HEATR5A: variants seen among roughly 807,000 people sequenced by gnomAD.
HEATR5A encodes HEAT repeat-containing protein 5A.
HEATR5A carries 178 observed loss-of-function variants against 218.8 expected under a neutral mutation model. That is an observed-to-expected ratio of 0.81 (90% CI 0.72 to 0.92). The LOEUF (loss-of-function observed/expected upper bound fraction) is 0.92, where lower values mean the gene tolerates loss of function less well. HEATR5A is among the 40% of genes least tolerant of loss of function. The probability of loss-of-function intolerance (pLI) is 0.00; values close to 1 mark genes in which losing one functional copy is unlikely to be tolerated. For missense variants in HEATR5A, 2,420 were observed against 2,418.9 expected (o/e 1.00, Z -0.01); for synonymous variants, 864 against 871.6 (o/e 0.99, Z 0.15).
intron 13 of HEATR5A, among the ~76,000 whole-genome samples, chr14:31,368,344 A>C (rs1199606556): frequency 6.6e-6 from 1 of 152,156 alleles, no homozygotes. Context: ...GTTAGAAATA[A>C]GTGCCCGTTT....
chr14:31,335,011 C>T (rs1204567696), intron 22 of HEATR5A, among the ~76,000 whole-genome samples: 7 of 151,424 alleles, frequency 4.6e-5, no homozygotes, highest in African/African-American at 1.7e-4. Context: ...TTAGCAACCA[C>T]CACCCCTGAT....
In HEATR5A at chr14:31,403,040, C is replaced by T; in HGVS notation, c.-65G>A. On this transcript the variant is annotated 5_prime_UTR_variant, in exon 2 of 36. Coordinates refer to ENST00000543095, the MANE Select transcript of HEATR5A (RefSeq NM_015473.4). ...GTTAAACTTTGGTCAATATACCTAACAATAAAAATCTGCAATACAGGAAAA... is the reference window on the plus strand; with the variant it reads ...GTTAAACTTTGGTCAATATACCTAATAATAAAAATCTGCAATACAGGAAAA... The T allele has an allele frequency of 7.2e-7, 1 of 1,392,768 alleles. No homozygotes were observed. Among genetic ancestry groups the T allele is most frequent in the Non-Finnish European group, 9.5e-7 (1 of 1,052,096 alleles). 86.3% of individuals were successfully genotyped at this position (1,392,768 alleles called of 1,614,324 possible).
intron 14 of HEATR5A, among the ~76,000 whole-genome samples, chr14:31,361,305 TTA>T (rs1901608521): frequency 6.6e-6 from 1 of 152,214 alleles, no homozygotes; most frequent in Non-Finnish European, 1.5e-5. Context: ...GTAGGAACTA[TTA>T]TGTTTCATAA....
intron 21 of HEATR5A, among the ~76,000 whole-genome samples, chr14:31,341,848 G>T (rs774095611): frequency 3.9e-5 from 6 of 152,118 alleles, no homozygotes; most frequent in Non-Finnish European, 5.9e-5. Flanking sequence ...AGAAAAAACG[G>T]CAGTATCACT....
chr14:31,393,305 T>G (rs2030524605), intron 6 of HEATR5A, among the ~76,000 whole-genome samples: 1 of 151,940 alleles, frequency 6.6e-6, no homozygotes, highest in Admixed American at 6.6e-5. Context: ...AGCTCAGGAG[T>G]TCGAGACCAG....
intron 3 of HEATR5A, 129 bp from the exon 4 acceptor site, chr14:31,398,910 T>C (rs1242247760): frequency 1.6e-6 from 1 of 608,872 alleles, no homozygotes; most frequent in South Asian, 2.2e-5. Context: ...CTTTGTATTA[T>C]CCTTTGAAAC....
At chr14:31,382,092 G>A (rs2030013305) in intron 10 of HEATR5A, among the ~76,000 whole-genome samples, 1 of 152,158 alleles carries the variant, frequency 6.6e-6, no homozygotes, top group South Asian at 2.1e-4. Context: ...AGTCAAATCA[G>A]AACAAGTGGA....
intron 13 of HEATR5A, among the ~76,000 whole-genome samples, chr14:31,370,241 A>G (rs1231881313): frequency 6.6e-6 from 1 of 152,202 alleles, no homozygotes; most frequent in Non-Finnish European, 1.5e-5. Context: ...AAAAAAAGGA[A>G]GAATTTCTTA....
At chr14:31,329,754 C>A (rs1342051396) in intron 22 of HEATR5A, among the ~76,000 whole-genome samples, 1 of 152,212 alleles carries the variant, frequency 6.6e-6, no homozygotes, top group Non-Finnish European at 1.5e-5. Context: ...GCTCTGTCAT[C>A]CAGTCTAGAG....
At chr14:31,400,555 A>G (rs1051462020) in intron 2 of HEATR5A, 43 bp from the exon 3 acceptor site, 1 of 1,232,506 alleles carries the variant, frequency 8.1e-7, no homozygotes, top group Non-Finnish European at 1.1e-6. Flanking sequence ...AGTCAATATA[A>G]TTATCTGTAA....
At chr14:31,349,021 C>T (rs935872655) in intron 18 of HEATR5A, among the ~76,000 whole-genome samples, 5 of 152,134 alleles carry the variant, frequency 3.3e-5, no homozygotes, top group East Asian at 3.9e-4. Context: ...AAGTAGGTAG[C>T]GCAGTACCTC....
At chr14:31,303,038 G>C (rs2139132751) in intron 32 of HEATR5A, among the ~76,000 whole-genome samples, 1 of 152,050 alleles carries the variant, frequency 6.6e-6, no homozygotes, top group East Asian at 1.9e-4. Flanking sequence ...CTTGAGCCCA[G>C]GGGGTTGAGG....
intron 32 of HEATR5A, among the ~76,000 whole-genome samples, chr14:31,303,963 C>T (rs1899471868): frequency 2.0e-5 from 3 of 151,866 alleles, no homozygotes; most frequent in African/African-American, 4.8e-5. Flanking sequence ...CCCAGCACTT[C>T]GGGATGTCAA....
intron 1 of HEATR5A, among the ~76,000 whole-genome samples, chr14:31,414,826 CATTT>C (rs1016423445): frequency 3.9e-5 from 6 of 152,016 alleles, no homozygotes; most frequent in East Asian, 3.8e-4. Context: ...ATGGTTCCTA[CATTT>C]ATTTATTTAT....
chr14:31,306,266 C>T (rs958841226), intron 31 of HEATR5A, among the ~76,000 whole-genome samples: 1 of 151,838 alleles, frequency 6.6e-6, no homozygotes, highest in Non-Finnish European at 1.5e-5. Context: ...TTGCCTGAGT[C>T]CAGGAGTTCG....
chr14:31,391,040 A>C (rs989770608), intron 6 of HEATR5A, among the ~76,000 whole-genome samples: 1 of 151,998 alleles, frequency 6.6e-6, no homozygotes, highest in African/African-American at 2.4e-5. Context: ...GCCTGGGCTA[A>C]TGTGTGTGTT....
intron 7 of HEATR5A, 78 bp downstream of exon 7, chr14:31,388,767 C>T: frequency 8.6e-7 from 1 of 1,161,440 alleles, no homozygotes; most frequent in South Asian, 1.3e-5. Context: ...CATAGTACCA[C>T]TTCTGTGGAG....
chr14:31,385,078 T>C (rs2030159419), intron 9 of HEATR5A, among the ~76,000 whole-genome samples: 1 of 152,134 alleles, frequency 6.6e-6, no homozygotes, highest in South Asian at 2.1e-4. Context: ...AACACAAATA[T>C]AATGTAAAGT....
rs1900178054 is a variant in HEATR5A at position 31,323,717 on chromosome 14, T to C, written c.3635A>G (p.Asp1212Gly). 1.2e-6 allele frequency: 2 copies of C among 1,613,658 alleles called. No individual in the cohort carries two copies. Among genetic ancestry groups the C allele is most frequent in the Admixed American group, 1.7e-5 (1 of 59,984 alleles). Residue 1212 changes from aspartate to glycine, a missense_variant, in exon 24 of 36, where the codon GAT becomes GGT. Physicochemically the swap from Asp to Gly is moderately conservative, Grantham distance 94 (BLOSUM62 -1). Coordinates refer to ENST00000543095, the MANE Select transcript of HEATR5A (RefSeq NM_015473.4). ...DDASVLTTRR[D>G]EKSHPFTNPR... ...ATTGGTAAAAGGATGGGATTTTTCATCACGTCTGGTGGTCAGGACTGAGGC... is the reference window on the plus strand; with the variant it reads ...ATTGGTAAAAGGATGGGATTTTTCACCACGTCTGGTGGTCAGGACTGAGGC...
Sources: allele counts gnomAD v4.1 joint callset (sites outside exome capture counted in the v4.1 genomes callset), GRCh38; gene constraint gnomAD v4.1.1; transcripts MANE v1.5; gene names NCBI Gene and HGNC (gene_info 2026-07-23, HGNC 2026-07-21).